Variants in TXNDC16 observed in about 807,000 individuals in gnomAD.
TXNDC16 encodes thioredoxin domain-containing protein 16.
Under a neutral mutation model 85.6 loss-of-function variants are expected in TXNDC16, and 74 were observed. The ratio of observed to expected loss-of-function variants is 0.86; its 90% CI spans 0.72 to 1.05. The LOEUF (loss-of-function observed/expected upper bound fraction) is 1.05, where lower values mean the gene tolerates loss of function less well. Among genes scored for constraint, TXNDC16 ranks in the 50% least tolerant of loss-of-function variants. The pLI, the probability that TXNDC16 is intolerant of heterozygous loss-of-function variation, is 0.00. For synonymous variants in TXNDC16, 335 were observed against 326.5 expected (o/e 1.03, Z -0.28); for missense variants, 959 against 947.0 (o/e 1.01, Z -0.17).
intron 6 of TXNDC16, among the ~76,000 whole-genome samples, chr14:52,529,250 T>A (rs1022671445): frequency 2.0e-5 from 3 of 148,970 alleles, no homozygotes; most frequent in African/African-American, 7.4e-5. Context: ...CACCGCATGT[T>A]CTCACACATA....
intron 18 of TXNDC16, 101 bp from the exon 19 acceptor site, chr14:52,440,825 A>C: frequency 9.0e-7 from 1 of 1,106,602 alleles, no homozygotes; most frequent in Non-Finnish European, 1.3e-6. Flanking sequence ...AGTTTGTAAA[A>C]TGTAATTCAA....
intron 9 of TXNDC16, among the ~76,000 whole-genome samples, chr14:52,501,744 G>A (rs1383595987): frequency 1.3e-5 from 2 of 152,162 alleles, no homozygotes. Flanking sequence ...TAACCCGTTA[G>A]AACAAATTTT....
chr14:52,532,417 A>T (rs2037602384), intron 6 of TXNDC16, among the ~76,000 whole-genome samples: 2 of 152,068 alleles, frequency 1.3e-5, no homozygotes, highest in Admixed American at 1.3e-4. Flanking sequence ...AAATGGACAA[A>T]AGTTGTCAAG....
chr14:52,529,531 T>C lies in TXNDC16; in HGVS notation c.392+7188A>G, dbSNP rs529924418. Among the ~76,000 whole-genome samples, 12 of 103,852 alleles carry C rather than the reference T, an allele frequency of 1.2e-4. 1 individual carries two copies. The highest frequency in any genetic ancestry group is 2.2e-4 in the Admixed American group (2 of 9,270). The allele number at this position is 103,852 out of a possible 152,430, so 68.1% of individuals were successfully genotyped here. A position where few individuals can be genotyped will look rare whatever the true frequency, so the allele number is the denominator to read the frequency against. On this transcript the variant is annotated intron_variant, in intron 6 of 20. Transcript: ENST00000281741. ...TATAATGCCTATTATATATATTATA[T>C]ATAATGCCTATTATATATAATATAT...
intron 9 of TXNDC16, among the ~76,000 whole-genome samples, chr14:52,498,904 C>A (rs1290641854): frequency 1.3e-5 from 2 of 152,130 alleles, no homozygotes; most frequent in Admixed American, 6.5e-5. Context: ...AGGCCTCACA[C>A]TTTCTGATTT....
chr14:52,550,483 T>G (rs1051274145), intron 1 of TXNDC16, among the ~76,000 whole-genome samples: 1 of 152,140 alleles, frequency 6.6e-6, no homozygotes, highest in Non-Finnish European at 1.5e-5. Context: ...ATCCTCTACC[T>G]GCACCCTCAC....
chr14:52,545,660 C>A (rs772865083), intron 1 of TXNDC16, among the ~76,000 whole-genome samples: 1 of 151,894 alleles, frequency 6.6e-6, no homozygotes, highest in South Asian at 2.1e-4. Flanking sequence ...AACCAAAAAC[C>A]AAGTTTATTG....
intron 16 of TXNDC16, among the ~76,000 whole-genome samples, chr14:52,469,815 C>T (rs1341651278): frequency 2.0e-5 from 3 of 152,044 alleles, no homozygotes; most frequent in Non-Finnish European, 4.4e-5. Flanking sequence ...TATGTTAAAA[C>T]ATACATAAAT....
chr14:52,460,305 G>A (rs1353275448), intron 16 of TXNDC16, among the ~76,000 whole-genome samples: 11 of 152,048 alleles, frequency 7.2e-5, no homozygotes, highest in Admixed American at 7.2e-4. Flanking sequence ...AACATCCCAA[G>A]CTCATGAATG....
At chr14:52,527,422 G>A (rs1357050958) in intron 6 of TXNDC16, among the ~76,000 whole-genome samples, 1 of 150,800 alleles carries the variant, frequency 6.6e-6, no homozygotes, top group Non-Finnish European at 1.5e-5. Flanking sequence ...GAGAGCAGAG[G>A]AAAAATGATT....
intron 12 of TXNDC16, 39 bp downstream of exon 12, chr14:52,488,324 G>C (rs569914710): frequency 6.2e-7 from 1 of 1,607,058 alleles, no homozygotes; most frequent in African/African-American, 1.3e-5. Flanking sequence ...TATGGGTGCT[G>C]GGCAGGATGG....
At chr14:52,524,218 T>A (rs1208688807) in intron 6 of TXNDC16, among the ~76,000 whole-genome samples, 2 of 152,222 alleles carry the variant, frequency 1.3e-5, no homozygotes, top group African/African-American at 2.4e-5. Context: ...TAACAATGCC[T>A]AAACACTCAA....
At chr14:52,482,350 A>T in intron 13 of TXNDC16, 61 bp from the exon 14 acceptor site, 1 of 1,345,908 alleles carries the variant, frequency 7.4e-7, no homozygotes, top group Non-Finnish European at 1.1e-6. Context: ...ATCCACACTG[A>T]TATGTAACAA....
chr14:52,508,168 T>C (rs1038268195), intron 9 of TXNDC16, among the ~76,000 whole-genome samples: 4 of 152,208 alleles, frequency 2.6e-5, no homozygotes, highest in Non-Finnish European at 5.9e-5. Context: ...TCTACTCATC[T>C]GACAAAGGGC....
chr14:52,457,793 T>G (rs2035567684), intron 16 of TXNDC16, among the ~76,000 whole-genome samples: 1 of 152,272 alleles, frequency 6.6e-6, no homozygotes, highest in Non-Finnish European at 1.5e-5. Flanking sequence ...AAATACAAGC[T>G]ATTTCTACAA....
chr14:52,441,378 G>A (rs887843236), intron 18 of TXNDC16, among the ~76,000 whole-genome samples: 6 of 152,082 alleles, frequency 3.9e-5, no homozygotes, highest in East Asian at 1.9e-4. Flanking sequence ...GGAGGCCGAC[G>A]CAGGCAGATC....
chr14:52,497,288 A>T (rs1420048088), intron 9 of TXNDC16, among the ~76,000 whole-genome samples: 1 of 152,186 alleles, frequency 6.6e-6, no homozygotes, highest in Non-Finnish European at 1.5e-5. Context: ...CATTAATAGA[A>T]AATCTGAACA....
chr14:52,502,884 C>T (rs1242926447), intron 9 of TXNDC16, among the ~76,000 whole-genome samples: 6 of 152,220 alleles, frequency 3.9e-5, no homozygotes, highest in East Asian at 1.9e-4. Context: ...CCTAACACTG[C>T]GCTTTTCCAA....
chr14:52,470,713 C>G, intron 14 of TXNDC16, 33 bp from the exon 15 acceptor site: 1 of 1,558,356 alleles, frequency 6.4e-7, no homozygotes, highest in Non-Finnish European at 8.7e-7. Context: ...TTTGTAATTA[C>G]TAATTGTAGA....
Sources: gnomAD v4.1 joint callset for allele counts (sites outside exome capture counted in the v4.1 genomes callset) on GRCh38, gnomAD v4.1.1 for gene constraint, MANE v1.5 for transcripts, NCBI Gene and HGNC (gene_info 2026-07-23, HGNC 2026-07-21) for gene names.